Variants in HEATR5B observed in about 807,000 individuals in gnomAD.
HEATR5B encodes HEAT repeat-containing protein 5B.
Under a neutral mutation model 224.1 loss-of-function variants are expected in HEATR5B, and 156 were observed. That is an observed-to-expected ratio of 0.70 (90% CI 0.61 to 0.80). The LOEUF is 0.80. Among genes scored for constraint, HEATR5B ranks in the 30% least tolerant of loss-of-function variants. HEATR5B has a pLI of 0.00. For missense variants in HEATR5B, 2,323 were observed against 2,535.5 expected (o/e 0.92, Z 1.80); for synonymous variants, 1,027 against 893.0 (o/e 1.15, Z -2.68).
intron 35 of HEATR5B, among the ~76,000 whole-genome samples, chr2:36,984,695 C>T (rs971161702): frequency 6.6e-6 from 1 of 152,054 alleles, no homozygotes; most frequent in East Asian, 1.9e-4. Context: ...TTAGTAGGTA[C>T]ACGTTGGGGA....
At chr2:37,067,556 G>A (rs547973145) in intron 8 of HEATR5B, among the ~76,000 whole-genome samples, 33 of 152,268 alleles carry the variant, frequency 2.2e-4, no homozygotes, top group African/African-American at 7.5e-4. Context: ...ATCACTTGAG[G>A]TCAGGAGTTT....
At chr2:37,000,467 A>G in intron 33 of HEATR5B, 119 bp downstream of exon 33, 1 of 735,406 alleles carries the variant, frequency 1.4e-6, no homozygotes, top group Non-Finnish European at 2.3e-6. Context: ...TATGACTAAC[A>G]TACCTCTCTG....
At chr2:37,059,406 A>ATGTG (rs529487124) in intron 12 of HEATR5B, among the ~76,000 whole-genome samples, 1,578 of 100,166 alleles carry the variant, frequency 0.016, 38 homozygotes, top group East Asian at 0.067. Flanking sequence ...ATATATGTAT[A>ATGTG]TGTGTGTGTG....
At chr2:37,045,226 T>C (rs1670115721) in intron 18 of HEATR5B, among the ~76,000 whole-genome samples, 1 of 152,232 alleles carries the variant, frequency 6.6e-6, no homozygotes, top group Admixed American at 6.5e-5. Flanking sequence ...ATTGATGTTT[T>C]CTCCAAGTAA....
At chr2:36,986,349 G>C (rs759326334) in intron 35 of HEATR5B, among the ~76,000 whole-genome samples, 7 of 152,054 alleles carry the variant, frequency 4.6e-5, no homozygotes, top group Non-Finnish European at 8.8e-5. Context: ...AGTAATACTT[G>C]CTTCTTTTCT....
intron 23 of HEATR5B, 32 bp downstream of exon 23, chr2:37,028,649 C>T (rs1390115496): frequency 6.3e-7 from 1 of 1,586,690 alleles, no homozygotes; most frequent in South Asian, 1.1e-5. Context: ...AAACAATTTC[C>T]ATTATTTTAA....
chr2:37,083,481 G>T, intron 1 of HEATR5B, 45 bp from the exon 2 acceptor site: 1 of 1,403,222 alleles, frequency 7.1e-7, no homozygotes, highest in Non-Finnish European at 9.9e-7. Context: ...ATTTTTTAAT[G>T]TTAAAAGTCA....
intron 8 of HEATR5B, among the ~76,000 whole-genome samples, chr2:37,067,085 G>GT (rs1037528757): frequency 3.3e-5 from 5 of 152,162 alleles, no homozygotes; most frequent in African/African-American, 1.2e-4. Flanking sequence ...TGGGCAGGCT[G>GT]TTTTTGAAGA....
chr2:37,040,630 G>A (rs2148497722), intron 19 of HEATR5B, 112 bp from the exon 20 acceptor site: 2 of 684,670 alleles, frequency 2.9e-6, no homozygotes, highest in African/African-American at 1.9e-5. Context: ...GCCTAACAAT[G>A]TGAAGTAGCA....
At chr2:37,083,579 A>G in intron 1 of HEATR5B, 143 bp from the exon 2 acceptor site, 1 of 617,572 alleles carries the variant, frequency 1.6e-6, no homozygotes, top group Non-Finnish European at 2.8e-6. Flanking sequence ...AAACCTGAGA[A>G]CATACTTTTA....
chr2:37,013,440 C>T (rs986099512), intron 27 of HEATR5B, among the ~76,000 whole-genome samples: 4 of 152,220 alleles, frequency 2.6e-5, no homozygotes, highest in Non-Finnish European at 5.9e-5. Flanking sequence ...GTCCCAGCTA[C>T]GCGGATGGCT....
intron 22 of HEATR5B, among the ~76,000 whole-genome samples, chr2:37,031,827 T>C (rs188438531): frequency 2.0e-3 from 301 of 152,230 alleles, no homozygotes; most frequent in African/African-American, 6.8e-3. Context: ...AGGGGAAATA[T>C]CTCTGTCAAT....
chr2:36,998,597 G>A (rs1666881160), intron 33 of HEATR5B, among the ~76,000 whole-genome samples: 1 of 152,072 alleles, frequency 6.6e-6, no homozygotes. Flanking sequence ...GTTAATTGCA[G>A]CAATCTTTTT....
chr2:36,991,598 G>T (rs1666335399), intron 33 of HEATR5B, among the ~76,000 whole-genome samples: 1 of 148,164 alleles, frequency 6.7e-6, no homozygotes, highest in Non-Finnish European at 1.5e-5. Context: ...GATACAACTT[G>T]AACAGAAATA....
chr2:37,001,707 A>G (rs1667102737), intron 32 of HEATR5B, among the ~76,000 whole-genome samples: 1 of 149,152 alleles, frequency 6.7e-6, no homozygotes, highest in Admixed American at 6.7e-5. Flanking sequence ...TCTGTCGCTG[A>G]GGCTGCAGTG....
chr2:37,014,852 G>A (rs895621076), intron 26 of HEATR5B, among the ~76,000 whole-genome samples: 7 of 151,972 alleles, frequency 4.6e-5, no homozygotes, highest in African/African-American at 1.2e-4. Flanking sequence ...GCATGGTGGC[G>A]TGTGTCTGTA....
At chr2:36,991,206 A>G (rs1345478137) in intron 33 of HEATR5B, among the ~76,000 whole-genome samples, 1 of 152,216 alleles carries the variant, frequency 6.6e-6, no homozygotes, top group African/African-American at 2.4e-5. Flanking sequence ...TTTAGTAAAT[A>G]TGAAAACCTG....
intron 27 of HEATR5B, 37 bp from the exon 28 acceptor site, chr2:37,008,885 T>C (rs1161519135): frequency 8.2e-7 from 1 of 1,212,372 alleles, no homozygotes; most frequent in Non-Finnish European, 1.2e-6. Context: ...TAGTAAGGCA[T>C]AAGATAAAAA....
At chr2:36,997,615 G>A (rs753471598) in intron 33 of HEATR5B, among the ~76,000 whole-genome samples, 60 of 133,340 alleles carry the variant, frequency 4.5e-4, no homozygotes, top group Non-Finnish European at 7.3e-4. Context: ...AGCCCAGGCT[G>A]GAGTGCAGTG....
Sources: gnomAD v4.1 joint callset for allele counts (sites outside exome capture counted in the v4.1 genomes callset) on GRCh38, gnomAD v4.1.1 for gene constraint, MANE v1.5 for transcripts, NCBI Gene and HGNC (gene_info 2026-07-23, HGNC 2026-07-21) for gene names.